GLRA2: variants seen among roughly 807,000 people sequenced by gnomAD.
GLRA2 encodes the protein glycine receptor alpha 2, also known as glycine receptor subunit alpha-2.
Under a neutral mutation model 31.6 loss-of-function variants are expected in GLRA2, and 11 were observed. The ratio of observed to expected loss-of-function variants is 0.35; its 90% CI spans 0.22 to 0.58. The LOEUF is 0.58. Ranked by LOEUF, GLRA2 falls within the 20% of genes least tolerant of loss-of-function variation. GLRA2 has a pLI of 0.84. For synonymous variants in GLRA2, 132 were observed against 134.0 expected, an observed-to-expected ratio of 0.99 and a Z score of 0.10; for missense variants, 212 against 351.8, an observed-to-expected ratio of 0.60 and a Z score of 3.18.
intron 7 of GLRA2, among the ~76,000 whole-genome samples, chrX:14,679,446 A>AAAAG (rs202004982): frequency 0.25 from 27,799 of 109,096 alleles, 2,824 homozygotes; most frequent in Non-Finnish European, 0.3. Context: ...AAAGAAAAGA[A>AAAAG]AAAGACACCT....
chrX:14,592,965 T>C (rs891892284), intron 4 of GLRA2, among the ~76,000 whole-genome samples: 2 of 112,102 alleles, frequency 1.8e-5, no homozygotes, highest in Non-Finnish European at 3.8e-5. Context: ...TTATTACTCA[T>C]CACCTGAACT....
chrX:14,643,175 T>C (rs1302580199), intron 7 of GLRA2, among the ~76,000 whole-genome samples: 2 of 111,398 alleles, frequency 1.8e-5, no homozygotes, highest in African/African-American at 6.5e-5. Flanking sequence ...CTGCCAATAA[T>C]AGGAATAATA....
intron 4 of GLRA2, among the ~76,000 whole-genome samples, chrX:14,586,221 T>C (rs2090079218): frequency 8.9e-6 from 1 of 111,810 alleles, no homozygotes; most frequent in Non-Finnish European, 1.9e-5. Context: ...TTATGAACAC[T>C]TGGGGTACCT....
At chrX:14,581,501 A>G (rs1027053151) in intron 4 of GLRA2, 95 bp downstream of exon 4, 1 of 517,643 alleles carries the variant, frequency 1.9e-6, no homozygotes, top group Non-Finnish European at 3.3e-6. Context: ...TGAATATTTG[A>G]CTTTTGTGGT....
intron 8 of GLRA2, among the ~76,000 whole-genome samples, chrX:14,705,357 G>A (rs1024964820): frequency 8.9e-6 from 1 of 111,893 alleles, no homozygotes. Flanking sequence ...GTATGGAGGC[G>A]TTTTTAGTTC....
At chrX:14,539,598 G>C (rs2089373462) in intron 2 of GLRA2, among the ~76,000 whole-genome samples, 1 of 111,552 alleles carries the variant, frequency 9.0e-6, no homozygotes, top group Admixed American at 9.5e-5. Flanking sequence ...AAATACAAGA[G>C]AGAAGCTGGA....
rs373207656 is a variant in GLRA2 at position 14,557,265 on chromosome X, A to G, written c.203-17068A>G. ...CGAGTAGCTGGGACTACAGGCGCCC[A>G]CCACCACGCCCGGCTAATTTTTTGT... On this transcript the variant is annotated intron_variant, in intron 2 of 8. Transcript: ENST00000218075. 7.1e-3 allele frequency among the ~76,000 whole-genome samples: 764 copies of G among 106,947 alleles called. 11 individuals carry two copies. Among genetic ancestry groups the G allele is most frequent in the African/African-American group, 0.021 (609 of 29,232 alleles). The allele number at this position is 106,947 out of a possible 115,157, so 92.9% of individuals were successfully genotyped here. A position where few individuals can be genotyped will look rare whatever the true frequency, so the allele number is the denominator to read the frequency against.
At chrX:14,638,301 A>G (rs2090735516) in intron 7 of GLRA2, among the ~76,000 whole-genome samples, 2 of 110,750 alleles carry the variant, frequency 1.8e-5, no homozygotes, top group Admixed American at 1.9e-4. Flanking sequence ...TATAATTATA[A>G]CTTTTGCCAT....
At chrX:14,694,748 C>T (rs2091416158) in intron 8 of GLRA2, among the ~76,000 whole-genome samples, 1 of 112,484 alleles carries the variant, frequency 8.9e-6, no homozygotes, top group Admixed American at 9.4e-5. Flanking sequence ...TACGTTGCTT[C>T]ACAGGACAGA....
chrX:14,688,468 C>T (rs5980060), intron 7 of GLRA2, among the ~76,000 whole-genome samples: 27,572 of 110,203 alleles, frequency 0.25, 2,678 homozygotes, highest in Non-Finnish European at 0.3. Context: ...GCTTCCAGGC[C>T]GCTTTGTTTA....
At chrX:14,499,872 T>TA in the GLRA2 span, among the ~76,000 whole-genome samples, 33 of 110,373 alleles carry the variant, frequency 3.0e-4, no homozygotes, top group East Asian at 8.6e-4. Flanking sequence ...GATTTTTTTT[T>TA]AAAAAAATTT....
intron 1 of GLRA2, 52 bp downstream of exon 1, chrX:14,530,177 T>A: frequency 1.4e-6 from 1 of 718,351 alleles, no homozygotes; most frequent in Non-Finnish European, 2.2e-6. Flanking sequence ...AAAGAGAATG[T>A]GTCATGTAAT....
the GLRA2 span, among the ~76,000 whole-genome samples, chrX:14,487,312 A>T: frequency 2.9e-5 from 3 of 102,294 alleles, no homozygotes; most frequent in Non-Finnish European, 5.9e-5. Flanking sequence ...GTTCTAGGAC[A>T]TTCTTATCTC....
At chrX:14,640,708 G>A (rs1297157273) in intron 7 of GLRA2, among the ~76,000 whole-genome samples, 1 of 111,258 alleles carries the variant, frequency 9.0e-6, no homozygotes, top group Admixed American at 9.7e-5. Flanking sequence ...CTCAATCCCT[G>A]TGGGATGTAT....
intron 7 of GLRA2, among the ~76,000 whole-genome samples, chrX:14,647,948 C>T (rs901391227): frequency 8.9e-6 from 1 of 112,301 alleles, no homozygotes; most frequent in Non-Finnish European, 1.9e-5. Flanking sequence ...AGGATAATAT[C>T]ATAGAATCCT....
rs1160902209 is a variant in GLRA2, at chrX:14,540,869, G to A, written c.202+8497G>A. On this transcript the variant is annotated intron_variant, in intron 2 of 8. Coordinates refer to ENST00000218075, the MANE Select transcript of GLRA2 (RefSeq NM_002063.4). The stretch of plus-strand genomic sequence containing the variant: ...AAAGAGAAAGAAGGACGGAACTGGG[G>A]AGGGTGCAAGGTGGGGAGGAAAGGG... 3.7e-5 allele frequency among the ~76,000 whole-genome samples: 4 copies of A among 108,677 alleles called. No individual in the cohort carries two copies. In the Admixed American group the frequency reaches 4.0e-4, roughly 11 times the overall value. 94.4% of individuals were successfully genotyped at this position (108,677 alleles called of 115,157 possible).
chrX:14,455,879 T>A, the GLRA2 span, among the ~76,000 whole-genome samples: 10 of 111,969 alleles, frequency 8.9e-5, no homozygotes, highest in African/African-American at 2.9e-4. Context: ...TCCACTTTAA[T>A]GTTCAATTTG....
chrX:14,553,608 C>T (rs755515184), intron 2 of GLRA2, among the ~76,000 whole-genome samples: 12 of 111,450 alleles, frequency 1.1e-4, no homozygotes, highest in Non-Finnish European at 2.1e-4. Flanking sequence ...ATCCCCGGTC[C>T]CTTACCACAT....
At chrX:14,573,363 C>T (rs2089910910) in intron 2 of GLRA2, among the ~76,000 whole-genome samples, 1 of 111,983 alleles carries the variant, frequency 8.9e-6, no homozygotes, top group African/African-American at 3.2e-5. Context: ...TCAGATCCTA[C>T]AGATTTGTTG....
Sources: allele counts gnomAD v4.1 joint callset (sites outside exome capture counted in the v4.1 genomes callset), GRCh38; gene constraint gnomAD v4.1.1; transcripts MANE v1.5; gene names NCBI Gene and HGNC (gene_info 2026-07-23, HGNC 2026-07-21).